The following SLC4A4 variants were observed in gnomAD, a reference collection of about 807,000 sequenced individuals.
The protein encoded by SLC4A4 is solute carrier family 4 member 4.
SLC4A4 carries 27 observed loss-of-function variants against 111.5 expected under a neutral mutation model. That is an observed-to-expected ratio of 0.24 (90% confidence interval 0.18 to 0.33). The LOEUF (loss-of-function observed/expected upper bound fraction) is 0.33. Among genes scored for constraint, SLC4A4 ranks in the 10% least tolerant of loss-of-function variants. The pLI, the probability that SLC4A4 is intolerant of heterozygous loss-of-function variation, is 1.00. For missense variants in SLC4A4, 909 were observed against 1,315.5 expected (o/e 0.69, Z 4.78); for synonymous variants, 443 against 463.4 (o/e 0.96, Z 0.57).
At chr4:71,502,499 T>A (rs1731040310) in intron 16 of SLC4A4, among the ~76,000 whole-genome samples, 1 of 152,212 alleles carries the variant, frequency 6.6e-6, no homozygotes, top group African/African-American at 2.4e-5. Flanking sequence ...TTTTGTTGTG[T>A]CCCATGGGTT....
intron 1 of SLC4A4, among the ~76,000 whole-genome samples, chr4:71,083,617 GA>G (rs1742056120): frequency 6.6e-6 from 1 of 151,966 alleles, no homozygotes; most frequent in African/African-American, 2.4e-5. Context: ...TATGAGCCCT[GA>G]AACGATGACC....
chr4:71,408,394 A>G (rs966618341), intron 7 of SLC4A4, among the ~76,000 whole-genome samples: 1 of 152,180 alleles, frequency 6.6e-6, no homozygotes, highest in Non-Finnish European at 1.5e-5. Flanking sequence ...ATGTTATATA[A>G]ATCTTCATCA....
chr4:71,385,191 A>ATATATATATATTTT (rs56949097), intron 6 of SLC4A4, among the ~76,000 whole-genome samples: 1 of 11,902 alleles, frequency 8.4e-5, no homozygotes, highest in African/African-American at 2.5e-4. Context: ...ATATATATAT[A>ATATATATATATTTT]TTTTTTTTTT....
At chr4:71,310,616 T>C (rs373232958) in intron 3 of SLC4A4, among the ~76,000 whole-genome samples, 13 of 152,146 alleles carry the variant, frequency 8.5e-5, no homozygotes, top group African/African-American at 1.9e-4. Flanking sequence ...AGAAATAAAA[T>C]CCTTTGCATA....
intron 2 of SLC4A4, among the ~76,000 whole-genome samples, chr4:71,103,278 T>C (rs1186230338): frequency 6.6e-6 from 1 of 151,882 alleles, no homozygotes; most frequent in Non-Finnish European, 1.5e-5. Context: ...AAGCAAGTCC[T>C]GAGTGACCTA....
In SLC4A4 at chr4:71,497,647, C is replaced by T. The variant is rs1309917577; in HGVS notation, c.2121C>T (p.Ser707=). Residue 707 remains serine, a synonymous_variant, in exon 16 of 26, where the codon TCC becomes TCT. Coordinates refer to ENST00000264485, the MANE Select transcript of SLC4A4 (RefSeq NM_001098484.3). ...TCTTCTTGGGAACCTACACCTCTTC[C>T]ATGGCTCTGAAAAAATTCAAAACTA... ...FILFLGTYTS[S]MALKKFKTSP... 1 of 1,613,542 alleles carries T rather than the reference C, an allele frequency of 6.2e-7. No individual in the cohort carries two copies. Among genetic ancestry groups the T allele is most frequent in the East Asian group, 2.2e-5 (1 of 44,852 alleles).
intron 2 of SLC4A4, among the ~76,000 whole-genome samples, chr4:71,148,306 G>A (rs1055109640): frequency 6.8e-6 from 1 of 147,086 alleles, no homozygotes; most frequent in African/African-American, 2.7e-5. Context: ...GGTCTCTCTC[G>A]AGCTCTTCTG....
chr4:71,428,813 A>G (rs1176241454), intron 7 of SLC4A4, among the ~76,000 whole-genome samples: 1 of 152,076 alleles, frequency 6.6e-6, no homozygotes, highest in Non-Finnish European at 1.5e-5. Context: ...ATGGAGGGGA[A>G]AAAATAATGT....
intron 16 of SLC4A4, among the ~76,000 whole-genome samples, chr4:71,508,064 A>G (rs1209384798): frequency 1.3e-5 from 2 of 152,200 alleles, no homozygotes; most frequent in East Asian, 3.9e-4. Flanking sequence ...ATGTACCAGA[A>G]TCACTAGGAT....
intron 7 of SLC4A4, among the ~76,000 whole-genome samples, chr4:71,422,011 A>G (rs1722561762): frequency 6.6e-6 from 1 of 152,064 alleles, no homozygotes; most frequent in Non-Finnish European, 1.5e-5. Flanking sequence ...GGAAATAGAG[A>G]CACAAAAAAC....
chr4:71,072,140 T>C (rs1442155226), intron 1 of SLC4A4, among the ~76,000 whole-genome samples: 1 of 152,208 alleles, frequency 6.6e-6, no homozygotes, highest in African/African-American at 2.4e-5. Flanking sequence ...TTTTGTATAA[T>C]ACTTAGGAAG....
At chr4:71,382,157 T>A (rs1718205028) in intron 6 of SLC4A4, among the ~76,000 whole-genome samples, 1 of 152,054 alleles carries the variant, frequency 6.6e-6, no homozygotes, top group East Asian at 1.9e-4. Context: ...AAGGAGTGAA[T>A]GTAATTTTTA....
At chr4:71,437,751 G>T in intron 7 of SLC4A4, 1 of 299,908 alleles carries the variant, frequency 3.3e-6, no homozygotes, top group Non-Finnish European at 6.6e-6. Flanking sequence ...TGAAATTCTT[G>T]GCAAGTTCAA....
intron 1 of SLC4A4, among the ~76,000 whole-genome samples, chr4:71,067,525 A>G (rs1023651069): frequency 1.3e-5 from 2 of 151,940 alleles, no homozygotes; most frequent in African/African-American, 4.8e-5. Context: ...CTTTTCTTTG[A>G]TCTCCCTGCC....
intron 2 of SLC4A4, among the ~76,000 whole-genome samples, chr4:71,254,054 A>G (rs1174354448): frequency 6.6e-6 from 1 of 152,170 alleles, no homozygotes; most frequent in African/African-American, 2.4e-5. Context: ...GACAGTTTGT[A>G]TCATACATAC....
intron 1 of SLC4A4, among the ~76,000 whole-genome samples, chr4:71,079,972 C>A (rs1001464790): frequency 5.3e-5 from 8 of 151,976 alleles, no homozygotes; most frequent in African/African-American, 1.9e-4. Context: ...TGCGGGCAAG[C>A]AGTTCTCCTG....
At chr4:71,299,498 C>T (rs1725051280) in intron 3 of SLC4A4, among the ~76,000 whole-genome samples, 1 of 152,170 alleles carries the variant, frequency 6.6e-6, no homozygotes, top group Non-Finnish European at 1.5e-5. Context: ...CATGGTACCT[C>T]CTATAAGCCT....
rs2149236344 is a variant in SLC4A4, at chr4:71,547,570, G to A, written c.2622-78G>A. 3.3e-6 allele frequency: 4 copies of A among 1,201,256 alleles called. No individual in the cohort carries two copies. The East Asian group carries it at 7.0e-5, about 21-fold the overall frequency. The allele number at this position is 1,201,256 out of a possible 1,614,324, so 74.4% of individuals were successfully genotyped here. A position where few individuals can be genotyped will look rare whatever the true frequency, so the allele number is the denominator to read the frequency against. ...CAAACATTGATTTTGTCAATGTGTA[G>A]TTTTTTTGAAGGTGAAAAGACAAGA... is the stretch of plus-strand genomic sequence containing the variant. On this transcript the variant is annotated intron_variant, in intron 19 of 25. Transcript: ENST00000264485.
At chr4:71,137,271 C>T (rs1346219852) in intron 2 of SLC4A4, among the ~76,000 whole-genome samples, 1 of 152,154 alleles carries the variant, frequency 6.6e-6, no homozygotes, top group Admixed American at 6.5e-5. Flanking sequence ...AACTGGATCC[C>T]TGTCATATTT....
Sources: allele counts gnomAD v4.1 joint callset (sites outside exome capture counted in the v4.1 genomes callset), GRCh38; gene constraint gnomAD v4.1.1; transcripts MANE v1.5; gene names NCBI Gene and HGNC (gene_info 2026-07-23, HGNC 2026-07-21).